Variants in TRIM66 observed in about 807,000 individuals in gnomAD.
TRIM66 encodes the protein tripartite motif containing 66.
Under a neutral mutation model 148.2 loss-of-function variants are expected in TRIM66, and 99 were observed. The observed-to-expected ratio is 0.67, with a 90% CI of 0.57 to 0.79. The LOEUF (loss-of-function observed/expected upper bound fraction) is 0.79. TRIM66 is among the 30% of genes least tolerant of loss of function. The pLI, the probability that TRIM66 is intolerant of heterozygous loss-of-function variation, is 0.00. For missense variants in TRIM66, 1,666 were observed against 1,697.9 expected, an observed-to-expected ratio of 0.98 and a Z score of 0.33; for synonymous variants, 616 against 635.9, an observed-to-expected ratio of 0.97 and a Z score of 0.47.
intron 6 of TRIM66, among the ~76,000 whole-genome samples, chr11:8,657,328 T>A (rs2037913494): frequency 6.6e-6 from 1 of 152,162 alleles, no homozygotes; most frequent in Non-Finnish European, 1.5e-5. Flanking sequence ...GTCCGAGCTC[T>A]GATCCCAACA....
chr11:8,633,501 G>A (rs1211674561), intron 15 of TRIM66, among the ~76,000 whole-genome samples: 3 of 141,838 alleles, frequency 2.1e-5, no homozygotes, highest in Admixed American at 1.4e-4. Flanking sequence ...GCTTCTTAGA[G>A]TGTGCTAAGT....
At chr11:8,660,291 A>G (rs925430551) in intron 6 of TRIM66, among the ~76,000 whole-genome samples, 17 of 152,044 alleles carry the variant, frequency 1.1e-4, no homozygotes, top group Non-Finnish European at 1.6e-4. Flanking sequence ...CCTGTTTCTA[A>G]TATTTGCCTT....
At position 8,649,822 on chromosome 11, in the gene TRIM66, C is replaced by A. The variant is rs10840101; in HGVS notation, c.510G>T (p.Leu170=). ...HILCTYCNRW[L]CSSCTEEHRH... ...GGTGTTCCTCTGTGCAAGAGCTGCA[C>A]AGCCAGCGATTGCAGTAGGTGCAGA... The change falls in exon 8 of 25, where the codon CTG becomes CTT. Residue 170 remains leucine (L), a synonymous_variant. Coordinates refer to ENST00000646038, the MANE Select transcript of TRIM66 (RefSeq NM_001388022.1). 6.4e-7 allele frequency: 1 copy of A among 1,551,496 alleles called. No homozygotes were observed. Among genetic ancestry groups the A allele is most frequent in the Non-Finnish European group, 8.7e-7 (1 of 1,146,936 alleles).
chr11:8,634,144 G>C (rs1019070393), intron 15 of TRIM66, among the ~76,000 whole-genome samples: 1 of 152,166 alleles, frequency 6.6e-6, no homozygotes, highest in Non-Finnish European at 1.5e-5. Context: ...GGCTTTCTGT[G>C]ATGCCTACAG....
At chr11:8,683,148 A>G (rs1592234345), upstream of TRIM66, 1 of 1,564,070 alleles carries the variant, frequency 6.4e-7, no homozygotes, top group Non-Finnish European at 8.8e-7. Flanking sequence ...GCTGGCGGGC[A>G]TCGCCCCCTG....
intron 15 of TRIM66, among the ~76,000 whole-genome samples, chr11:8,637,219 C>A (rs2035955740): frequency 1.3e-5 from 2 of 152,176 alleles, no homozygotes; most frequent in Admixed American, 6.5e-5. Flanking sequence ...AGACTGTACT[C>A]TCCAGCATGG....
chr11:8,655,872 C>T (rs2037786033), intron 6 of TRIM66, among the ~76,000 whole-genome samples: 1 of 152,172 alleles, frequency 6.6e-6, no homozygotes, highest in Admixed American at 6.5e-5. Context: ...GGCACCCTGG[C>T]TATCAGCCTT....
chr11:8,619,706 C>G (rs2034016923), intron 22 of TRIM66, among the ~76,000 whole-genome samples, 171 bp from the exon 23 acceptor site: 1 of 152,136 alleles, frequency 6.6e-6, no homozygotes, highest in African/African-American at 2.4e-5. Context: ...AGACAAAGAG[C>G]AAGGGAAAAG....
chr11:8,619,314 A>C, intron 23 of TRIM66, 69 bp downstream of exon 23: 1 of 1,349,050 alleles, frequency 7.4e-7, no homozygotes, highest in Non-Finnish European at 9.9e-7. Context: ...TAACCTCCCA[A>C]CCCTACCCAC....
chr11:8,646,806 G>A (rs1466185252), intron 10 of TRIM66, among the ~76,000 whole-genome samples: 1 of 152,060 alleles, frequency 6.6e-6, no homozygotes, highest in Non-Finnish European at 1.5e-5. Context: ...CAACCCAGTA[G>A]CCCACCAGTT....
intron 6 of TRIM66, chr11:8,654,668 C>G (rs1205971573): frequency 2.0e-5 from 3 of 152,170 alleles, no homozygotes; most frequent in African/African-American, 7.2e-5. Flanking sequence ...CCTCACTTAA[C>G]ATCAGTGGTA....
rs1195135208 is a variant in TRIM66 at position 8,638,767 on chromosome 11, G to A, written c.2197C>T (p.Leu733Phe). 2.6e-6 allele frequency: 4 copies of A among 1,551,346 alleles called. No individual in the cohort carries two copies. Among genetic ancestry groups the A allele is most frequent in the East Asian group, 2.4e-5 (1 of 40,866 alleles). Residue 733 changes from leucine (L) to phenylalanine (F), a missense_variant, in exon 15 of 25, where the codon CTT (leucine) becomes TTT (phenylalanine). Physicochemically the swap from Leu to Phe is conservative, Grantham distance 22 (BLOSUM62 0). This residue lies in a region of TRIM66 where 1,431 missense variants were observed against 1,412.4 expected (regional missense o/e 1.01). Coordinates refer to ENST00000646038, the MANE Select transcript of TRIM66 (RefSeq NM_001388022.1). ...AAGGCAGCAGCAGTATTCTTGTCAAGAGGGAGAGCCGGCTTTGAGCCCTGA... is the reference window on the plus strand; with the variant it reads ...AAGGCAGCAGCAGTATTCTTGTCAAAAGGGAGAGCCGGCTTTGAGCCCTGA... ...ASQGSKPALP[L>F]DKNTAAALPQ...
intron 6 of TRIM66, among the ~76,000 whole-genome samples, chr11:8,658,482 T>C (rs1009613459): frequency 2.6e-5 from 4 of 152,326 alleles, no homozygotes; most frequent in Admixed American, 2.6e-4. Context: ...GGCTGGAACC[T>C]GCCCCGATCC....
At chr11:8,631,035 G>T (rs2035344958) in intron 15 of TRIM66, among the ~76,000 whole-genome samples, 1 of 152,162 alleles carries the variant, frequency 6.6e-6, no homozygotes, top group Non-Finnish European at 1.5e-5. Flanking sequence ...TTATTCTAAT[G>T]ATTGCCACAT....
rs1565466347 is a variant in TRIM66 at position 8,617,995 on chromosome 11, T to C, written c.4128A>G (p.Glu1376=). The change falls in exon 25 of 25, where the codon GAA becomes GAG. Residue 1376 remains glutamate (E), a synonymous_variant. Transcript: ENST00000646038. ...GGCGAAATGACATTCTTTTTGCTCT[T>C]TCATTCTCCTGAAAGAAAAATATAT... is the stretch of plus-strand genomic sequence containing the variant. The part of the protein sequence containing the change: ...PKRRRRHMEN[E]RAKRMSFRLA... 1 of 1,551,736 alleles carries C rather than the reference T, an allele frequency of 6.4e-7. No individual in the cohort carries two copies. The highest frequency in any genetic ancestry group is 2.4e-5 in the East Asian group (1 of 40,928).
chr11:8,629,347 G>A (rs932829032), intron 15 of TRIM66, among the ~76,000 whole-genome samples: 2 of 152,200 alleles, frequency 1.3e-5, no homozygotes, highest in African/African-American at 4.8e-5. Flanking sequence ...TATGTTTAGT[G>A]TGGTTTTGGC....
At chr11:8,635,295 T>C (rs1450498440) in intron 15 of TRIM66, among the ~76,000 whole-genome samples, 1 of 152,168 alleles carries the variant, frequency 6.6e-6, no homozygotes, top group Non-Finnish European at 1.5e-5. Flanking sequence ...GGCTTCCTCA[T>C]AGTATTGCTA....
rs1012894669 is a variant in TRIM66 at position 8,621,230 on chromosome 11, G to C, written c.3347C>G (p.Pro1116Arg). 1.3e-6 allele frequency: 2 copies of C among 1,551,592 alleles called. No individual in the cohort carries two copies. Among genetic ancestry groups the C allele is most frequent in the African/African-American group, 2.7e-5 (2 of 73,046 alleles). The part of the protein sequence containing the change: ...TVTSLAGQRP[P>R]EVEGTSPEEH... ...TTCAGGAGATGTGCCCTCCACTTCTGGTGGCCGCTGCCCAGCCAAAGAAGT... is the reference window on the plus strand; with the variant it reads ...TTCAGGAGATGTGCCCTCCACTTCTCGTGGCCGCTGCCCAGCCAAAGAAGT... The change falls in exon 20 of 25, where the codon CCA (proline) becomes CGA (arginine). Residue 1116 changes from proline to arginine, a missense_variant. By Grantham distance (103) the Pro-to-Arg change is moderately radical (BLOSUM62 -2). Transcript: ENST00000646038.
At chr11:8,679,378 G>A (rs1592224433) in intron 3 of TRIM66, 1 of 152,278 alleles carries the variant, frequency 6.6e-6, no homozygotes, top group South Asian at 2.1e-4. Context: ...AAGAATGTTA[G>A]GTGAACACAG....
Sources: gnomAD v4.1 joint callset for allele counts (sites outside exome capture counted in the v4.1 genomes callset) on GRCh38, gnomAD v4.1.1 for gene constraint, gnomAD v4.1.1 regional missense constraint, MANE v1.5 for transcripts, NCBI Gene and HGNC (gene_info 2026-07-23, HGNC 2026-07-21) for gene names.